The following SPAST variants were observed in gnomAD, a reference collection of about 807,000 sequenced individuals.
SPAST encodes spastin, also known as spastic paraplegia 4 (autosomal dominant; spastin).
In SPAST, 30 loss-of-function variants were observed where a neutral mutation model predicts 76.6. The ratio of observed to expected loss-of-function variants is 0.39; its 90% CI spans 0.29 to 0.53. SPAST has a LOEUF of 0.53. SPAST is among the 20% of genes least tolerant of loss of function. SPAST has a pLI of 0.68. For synonymous variants in SPAST, 305 were observed against 281.0 expected, an observed-to-expected ratio of 1.09 and a Z score of -0.86; for missense variants, 717 against 770.5, an observed-to-expected ratio of 0.93 and a Z score of 0.82.
intron 2 of SPAST, among the ~76,000 whole-genome samples, chr2:32,088,477 T>C (rs907591091): frequency 6.6e-6 from 1 of 152,142 alleles, no homozygotes; most frequent in Non-Finnish European, 1.5e-5. Flanking sequence ...AAACCCTGTC[T>C]CTACTAAAAA....
At chr2:32,065,482 T>A (rs1374372085) in intron 1 of SPAST, among the ~76,000 whole-genome samples, 1 of 152,180 alleles carries the variant, frequency 6.6e-6, no homozygotes, top group African/African-American at 2.4e-5. Flanking sequence ...GTATCAGCAT[T>A]TTAGAGATGA....
rs147052682 is a variant in SPAST at position 32,155,950 on chromosome 2, G to C, written c.*1454G>C. 8.2e-3 allele frequency: 1,253 copies of C among 151,942 alleles called. 11 individuals are homozygous for C. Among genetic ancestry groups the C allele is most frequent in the South Asian group, 0.03 (146 of 4,810 alleles). The allele number at this position is 151,942 out of a possible 1,614,324, so 9.4% of individuals were successfully genotyped here. ...TAAAAAACTTGCCCCTACTAGGTAAGAACTTTATAATGAAGACATACATTC... is the reference window on the plus strand; with the variant it reads ...TAAAAAACTTGCCCCTACTAGGTAACAACTTTATAATGAAGACATACATTC... On this transcript the variant is annotated 3_prime_UTR_variant, in exon 17 of 17. Coordinates refer to ENST00000315285, the MANE Select transcript of SPAST (RefSeq NM_014946.4).
At chr2:32,147,345 GTTTTTT>G in intron 16 of SPAST, 87 bp downstream of exon 16, 127 of 162,760 alleles carry the variant, frequency 7.8e-4, no homozygotes, top group Non-Finnish European at 9.3e-4. Flanking sequence ...TGTGTGTGTG[GTTTTTT>G]TTTTTTTTTT....
chr2:32,131,966 A>C (rs774114347), intron 9 of SPAST, among the ~76,000 whole-genome samples: 2 of 152,130 alleles, frequency 1.3e-5, no homozygotes, highest in African/African-American at 2.4e-5. Context: ...GCCTACAGCA[A>C]CCATTCTCTT....
intron 1 of SPAST, among the ~76,000 whole-genome samples, chr2:32,075,497 A>T (rs1338896738): frequency 1.4e-5 from 2 of 138,558 alleles, no homozygotes; most frequent in Admixed American, 7.3e-5. Flanking sequence ...AAAAAAAGAG[A>T]TGGAAGTCTC....
intron 3 of SPAST, among the ~76,000 whole-genome samples, chr2:32,096,219 GAGGT>G (rs1677908899): frequency 2.3e-5 from 3 of 129,810 alleles, no homozygotes; most frequent in Non-Finnish European, 5.4e-5. Flanking sequence ...CAGATCACCT[GAGGT>G]CAGGAGTTTG....
chr2:32,139,459 C>T (rs891016437), intron 12 of SPAST, among the ~76,000 whole-genome samples: 1 of 152,108 alleles, frequency 6.6e-6, no homozygotes, highest in Non-Finnish European at 1.5e-5. Context: ...AAATTAGTAC[C>T]ATTTCTATAC....
intron 7 of SPAST, among the ~76,000 whole-genome samples, chr2:32,125,888 G>A (rs546019218): frequency 4.6e-5 from 7 of 152,064 alleles, no homozygotes; most frequent in African/African-American, 9.7e-5. Flanking sequence ...TCCGCCTCCC[G>A]GGTTCACGCC....
intron 1 of SPAST, among the ~76,000 whole-genome samples, chr2:32,081,781 CAAAAAAAAAAAAAAA>C (rs34078147): frequency 4.5e-5 from 2 of 44,382 alleles, no homozygotes; most frequent in African/African-American, 1.7e-4. Context: ...GAGACACTGT[CAAAAAAAAAAAAAAA>C]AAAAAAAAGG....
At chr2:32,140,222 C>T (rs113222613) in intron 12 of SPAST, among the ~76,000 whole-genome samples, 233 of 152,248 alleles carry the variant, frequency 1.5e-3, no homozygotes, top group African/African-American at 5.3e-3. Flanking sequence ...CTCCTTTCTG[C>T]TATATCTTTT....
At chr2:32,153,504 C>T (rs971109907) in intron 16 of SPAST, among the ~76,000 whole-genome samples, 4 of 151,308 alleles carry the variant, frequency 2.6e-5, no homozygotes, top group Admixed American at 1.3e-4. Flanking sequence ...TTAGTGGAGA[C>T]GGGGTTTCAC....
At position 32,063,779 on chromosome 2, in the gene SPAST, C is replaced by G; in HGVS notation, c.-53C>G. The G allele has an allele frequency of 6.5e-7, 1 of 1,537,778 alleles. No homozygotes were observed. Among genetic ancestry groups the G allele is most frequent in the East Asian group, 2.4e-5 (1 of 41,082 alleles). On this transcript the variant is annotated 5_prime_UTR_variant, in exon 1 of 17. Transcript: ENST00000315285. ...CAGTGGCTGCCGCCGTCGCTTGGTT[C>G]CCGTCGGTCTGCGGGAGGCGGGTTA...
At chr2:32,065,604 C>T (rs1230829895) in intron 1 of SPAST, among the ~76,000 whole-genome samples, 1 of 152,112 alleles carries the variant, frequency 6.6e-6, no homozygotes, top group Non-Finnish European at 1.5e-5. Flanking sequence ...TACAATTCTC[C>T]CCTTTTATCC....
chr2:32,120,773 A>T (rs1377357334), intron 7 of SPAST, among the ~76,000 whole-genome samples: 1 of 151,450 alleles, frequency 6.6e-6, no homozygotes, highest in Admixed American at 6.6e-5. Flanking sequence ...CACTTTCATG[A>T]TTTATTTTCT....
In SPAST at chr2:32,084,715, G is replaced by A. The variant is rs1036995144; in HGVS notation, c.416-2777G>A. Among the ~76,000 whole-genome samples the A allele has an allele frequency of 5.3e-5, 8 of 151,026 alleles. No homozygotes were observed. The East Asian group carries it at 5.9e-4, about 11-fold the overall frequency. Reference sequence around the variant, plus strand: ...AGCCTGGCCAACATGGTGAAACCCCGTCTCTACTAAAAATACAAAAAATTA... The same window carrying A: ...AGCCTGGCCAACATGGTGAAACCCCATCTCTACTAAAAATACAAAAAATTA... On this transcript the variant is annotated intron_variant, in intron 1 of 16. Transcript: ENST00000315285.
In SPAST at chr2:32,155,258, A is replaced by G. The variant is rs1236560745; in HGVS notation, c.*762A>G. 1 of 152,584 alleles carries G rather than the reference A, an allele frequency of 6.6e-6. No individual in the cohort carries two copies. Among genetic ancestry groups the G allele is most frequent in the Non-Finnish European group, 1.5e-5 (1 of 68,016 alleles). The allele number at this position is 152,584 out of a possible 1,614,324, so 9.5% of individuals were successfully genotyped here. On this transcript the variant is annotated 3_prime_UTR_variant, in exon 17 of 17. Transcript: ENST00000315285. ...GTAGATCAGTCTTCATGTGACCTGCAGTATTTTTTTTTCTAATGTATTTGT... is the reference window on the plus strand; with the variant it reads ...GTAGATCAGTCTTCATGTGACCTGCGGTATTTTTTTTTCTAATGTATTTGT...
chr2:32,067,885 C>T (rs988356860), intron 1 of SPAST, among the ~76,000 whole-genome samples: 4 of 150,492 alleles, frequency 2.7e-5, no homozygotes, highest in African/African-American at 7.3e-5. Context: ...TTTAAGTTTA[C>T]GCCATTCTCC....
Position 32,154,623 on chromosome 2 carries a change from C to T in SPAST, c.*127C>T, listed in dbSNP as rs1467727782. The stretch of plus-strand genomic sequence containing the variant: ...CTTTTTAGAGTCTTACATATTTGTG[C>T]ACCAAACTTGAAGATGAACCAGAAA... On this transcript the variant is annotated 3_prime_UTR_variant, in exon 17 of 17. Coordinates refer to ENST00000315285, the MANE Select transcript of SPAST (RefSeq NM_014946.4). The T allele has an allele frequency of 2.2e-6, 2 of 928,528 alleles. No individual in the cohort carries two copies. Among genetic ancestry groups the T allele is most frequent in the Non-Finnish European group, 3.4e-6 (2 of 595,782 alleles). 57.5% of individuals were successfully genotyped at this position (928,528 alleles called of 1,614,324 possible).
intron 7 of SPAST, among the ~76,000 whole-genome samples, chr2:32,120,977 G>A (rs538366115): frequency 1.3e-5 from 2 of 152,132 alleles, no homozygotes; most frequent in Non-Finnish European, 2.9e-5. Flanking sequence ...AGCTTCCAGT[G>A]CTGCTTTGTA....
Sources: gnomAD v4.1 joint callset for allele counts (sites outside exome capture counted in the v4.1 genomes callset) on GRCh38, gnomAD v4.1.1 for gene constraint, MANE v1.5 for transcripts, NCBI Gene and HGNC (gene_info 2026-07-23, HGNC 2026-07-21) for gene names.